Variants in VAT1L observed in about 807,000 individuals in gnomAD.
The protein encoded by VAT1L is putative NADPH-dependent quinone oxidoreductase VAT1L.
VAT1L carries 34 observed loss-of-function variants against 44.1 expected under a neutral mutation model. The observed-to-expected ratio is 0.77, with a 90% CI of 0.59 to 1.03. The LOEUF (loss-of-function observed/expected upper bound fraction) is 1.03, where lower values mean the gene tolerates loss of function less well. VAT1L is among the 50% of genes least tolerant of loss of function. The pLI is 0.00. For synonymous variants in VAT1L, 253 were observed against 202.2 expected (o/e 1.25, Z -2.13); for missense variants, 615 against 538.8 (o/e 1.14, Z -1.40).
intron 7 of VAT1L, among the ~76,000 whole-genome samples, chr16:77,956,797 T>C (rs1205737804): frequency 6.6e-6 from 1 of 152,240 alleles, no homozygotes; most frequent in East Asian, 1.9e-4. Flanking sequence ...GCTCTTTTAT[T>C]TCCACTCTAT....
intron 7 of VAT1L, among the ~76,000 whole-genome samples, chr16:77,948,480 G>A (rs919312985): frequency 1.3e-5 from 2 of 152,286 alleles, no homozygotes; most frequent in South Asian, 2.1e-4. Flanking sequence ...TGGAACTGTC[G>A]TTATAGTTGT....
intron 1 of VAT1L, among the ~76,000 whole-genome samples, chr16:77,799,124 A>G (rs554397934): frequency 1.6e-4 from 24 of 152,080 alleles, no homozygotes; most frequent in Admixed American, 4.6e-4. Flanking sequence ...CCCAGTTTTT[A>G]TGTATTAAGG....
rs547488866 is a variant in VAT1L, at chr16:77,964,971, G to A, written c.1078-6879G>A. 9.9e-5 allele frequency among the ~76,000 whole-genome samples: 15 copies of A among 151,878 alleles called. No individual in the cohort carries two copies. The South Asian group carries it at 2.7e-3, about 27-fold the overall frequency. The stretch of plus-strand genomic sequence containing the variant: ...ATGCCCGGCTAATTTTGTATTTTTA[G>A]TAGAGACAGGGTTTCTCCATGTTGG... On this transcript the variant is annotated intron_variant, in intron 7 of 8. Transcript: ENST00000302536.
intron 7 of VAT1L, among the ~76,000 whole-genome samples, chr16:77,904,296 G>A (rs1283185120): frequency 1.4e-5 from 2 of 147,994 alleles, no homozygotes; most frequent in African/African-American, 5.0e-5. Context: ...ATTTTAACAT[G>A]ATTTTTTGTT....
At chr16:77,866,305 G>A (rs1212356061) in intron 4 of VAT1L, among the ~76,000 whole-genome samples, 1 of 152,180 alleles carries the variant, frequency 6.6e-6, no homozygotes, top group African/African-American at 2.4e-5. Context: ...AAGGGAAATA[G>A]TTCAGTCGAT....
At chr16:77,817,660 G>T (rs2016379553) in intron 2 of VAT1L, among the ~76,000 whole-genome samples, 1 of 152,166 alleles carries the variant, frequency 6.6e-6, no homozygotes, top group Admixed American at 6.5e-5. Flanking sequence ...ATTACATTAT[G>T]CTGACTACTT....
At chr16:77,943,806 G>C (rs919313610) in intron 7 of VAT1L, among the ~76,000 whole-genome samples, 4 of 152,130 alleles carry the variant, frequency 2.6e-5, no homozygotes, top group Non-Finnish European at 5.9e-5. Flanking sequence ...AGAGCATAGG[G>C]CTCTCACATA....
chr16:77,934,026 T>C (rs1476732069), intron 7 of VAT1L, among the ~76,000 whole-genome samples: 2 of 152,158 alleles, frequency 1.3e-5, no homozygotes, highest in African/African-American at 4.8e-5. Context: ...TTCTGTGCAA[T>C]AGACTGTTCT....
chr16:77,901,872 A>T (rs1380630493), intron 7 of VAT1L, among the ~76,000 whole-genome samples: 1 of 152,230 alleles, frequency 6.6e-6, no homozygotes, highest in Non-Finnish European at 1.5e-5. Context: ...AACAACTGTC[A>T]GTGGTGGTCT....
intron 7 of VAT1L, among the ~76,000 whole-genome samples, chr16:77,938,956 GT>G (rs1477846527): frequency 2.6e-5 from 4 of 152,112 alleles, no homozygotes; most frequent in Non-Finnish European, 5.9e-5. Context: ...AGTGGGTTGG[GT>G]GGTGTGACCC....
intron 7 of VAT1L, among the ~76,000 whole-genome samples, chr16:77,959,993 C>T (rs2018144614): frequency 6.6e-6 from 1 of 152,152 alleles, no homozygotes; most frequent in African/African-American, 2.4e-5. Context: ...TTCTCTCTCT[C>T]CTCTTGCCAT....
intron 7 of VAT1L, among the ~76,000 whole-genome samples, chr16:77,959,176 C>CA (rs896181363): frequency 6.6e-5 from 10 of 152,110 alleles, no homozygotes; most frequent in African/African-American, 2.4e-4. Context: ...ACCCAACATG[C>CA]AGCTGCTCTA....
At chr16:77,799,087 G>A (rs2015992321) in intron 1 of VAT1L, among the ~76,000 whole-genome samples, 2 of 152,078 alleles carry the variant, frequency 1.3e-5, no homozygotes, top group South Asian at 4.2e-4. Flanking sequence ...AATTTAGCGA[G>A]CCCCAGTGCA....
chr16:77,970,271 G>A (rs973236833), intron 7 of VAT1L, among the ~76,000 whole-genome samples: 15 of 152,078 alleles, frequency 9.9e-5, no homozygotes, highest in Admixed American at 6.6e-4. Context: ...CTGCCAGGTT[G>A]TCCAAAGACT....
chr16:77,955,128 A>T (rs1006546503), intron 7 of VAT1L, among the ~76,000 whole-genome samples: 1 of 152,180 alleles, frequency 6.6e-6, no homozygotes, highest in Non-Finnish European at 1.5e-5. Context: ...GCAACATGTT[A>T]TGTGGATACT....
At chr16:77,939,027 G>A (rs558861361) in intron 7 of VAT1L, among the ~76,000 whole-genome samples, 1 of 152,190 alleles carries the variant, frequency 6.6e-6, no homozygotes, top group East Asian at 1.9e-4. Flanking sequence ...CATCAACCTG[G>A]ACTGCTCAGA....
intron 3 of VAT1L, among the ~76,000 whole-genome samples, chr16:77,861,224 T>G (rs1177449510): frequency 6.6e-6 from 1 of 152,180 alleles, no homozygotes; most frequent in East Asian, 1.9e-4. Context: ...ACATCACAGA[T>G]GACGCTGGTA....
chr16:77,952,137 C>A (rs2018051767), intron 7 of VAT1L, among the ~76,000 whole-genome samples: 1 of 152,126 alleles, frequency 6.6e-6, no homozygotes, highest in Non-Finnish European at 1.5e-5. Context: ...GGATGGTTCC[C>A]AAGTCCTTGA....
intron 8 of VAT1L, among the ~76,000 whole-genome samples, chr16:77,974,225 G>T (rs1018669887): frequency 9.2e-5 from 14 of 152,174 alleles, no homozygotes; most frequent in African/African-American, 3.4e-4. Context: ...AGGGAGGGGA[G>T]GGAGTGACTT....
Sources: allele counts gnomAD v4.1 joint callset (sites outside exome capture counted in the v4.1 genomes callset), GRCh38; gene constraint gnomAD v4.1.1; transcripts MANE v1.5; gene names NCBI Gene and HGNC (gene_info 2026-07-23, HGNC 2026-07-21).